Variants in BCL7B observed in about 807,000 individuals in gnomAD.
BCL7B encodes the protein B-cell CLL/lymphoma 7 protein family member B.
Under a neutral mutation model 26.5 loss-of-function variants are expected in BCL7B, and 11 were observed. That is an observed-to-expected ratio of 0.42 (90% CI 0.26 to 0.69). The LOEUF is 0.69. BCL7B is among the 30% of genes least tolerant of loss of function. The probability of loss-of-function intolerance (pLI) is 0.28; values close to 1 mark genes in which losing one functional copy is unlikely to be tolerated. For missense variants in BCL7B, 215 were observed against 264.4 expected (o/e 0.81, Z 1.30); for synonymous variants, 111 against 107.9 (o/e 1.03, Z -0.18).
chr7:73,544,818 G>A (rs1029388615), intron 2 of BCL7B, among the ~76,000 whole-genome samples: 1 of 152,152 alleles, frequency 6.6e-6, no homozygotes, highest in East Asian at 1.9e-4. Flanking sequence ...CAGCACTTGA[G>A]GAGGCGGAGG....
Position 73,537,282 on chromosome 7 carries a change from G to C in BCL7B, c.*16C>G. 3 of 1,613,416 alleles carry C rather than the reference G, an allele frequency of 1.9e-6. No homozygotes were observed. Among genetic ancestry groups the C allele is most frequent in the Non-Finnish European group, 2.5e-6 (3 of 1,179,522 alleles). ...TAAATAGAGGCAGGGCCAGGAGGCGGAGGGCCGGGATGGTGCTAGCTTTCT... is the reference window on the plus strand; with the variant it reads ...TAAATAGAGGCAGGGCCAGGAGGCGCAGGGCCGGGATGGTGCTAGCTTTCT... On this transcript the variant is annotated 3_prime_UTR_variant, in exon 6 of 6. Coordinates refer to ENST00000223368, the MANE Select transcript of BCL7B (RefSeq NM_001707.4).
At chr7:73,541,493 G>C (rs1554582875) in intron 3 of BCL7B, among the ~76,000 whole-genome samples, 2 of 147,362 alleles carry the variant, frequency 1.4e-5, no homozygotes, top group Middle Eastern at 3.5e-3. Flanking sequence ...TTGAGACCGA[G>C]TTTCGCTCTT....
At chr7:73,549,659 CA>C (rs1304308817) in intron 2 of BCL7B, among the ~76,000 whole-genome samples, 1 of 151,600 alleles carries the variant, frequency 6.6e-6, no homozygotes, top group African/African-American at 2.4e-5. Flanking sequence ...CCAAAACAAA[CA>C]AAAAAAAGAA....
Position 73,543,901 on chromosome 7 carries a change from G to C in BCL7B, c.169-257C>G, listed in dbSNP as rs552352817. 33 of 397,412 alleles carry C rather than the reference G, an allele frequency of 8.3e-5. 1 individual carries two copies. The highest frequency in any genetic ancestry group is 5.6e-4 in the South Asian group (22 of 39,220). 24.6% of individuals were successfully genotyped at this position (397,412 alleles called of 1,614,324 possible). On this transcript the variant is annotated intron_variant, in intron 2 of 5. Coordinates refer to ENST00000223368, the MANE Select transcript of BCL7B (RefSeq NM_001707.4). ...CAGGCAGATACATACACTTCGACTA[G>C]AACATCCCATAGTATCCCTCTCCTG...
In BCL7B at chr7:73,537,240, C is replaced by G. The variant is rs574800772; in HGVS notation, c.*58G>C. The G allele has an allele frequency of 6.4e-7, 1 of 1,567,798 alleles. No homozygotes were observed. The highest frequency in any genetic ancestry group is 1.3e-5 in the African/African-American group (1 of 74,164). On this transcript the variant is annotated 3_prime_UTR_variant, in exon 6 of 6. Transcript: ENST00000223368. ...CCCTTACCCCAGCAACGCGGCGCGG[C>G]CAGAACCAGAATGCAATAAATAGAG...
chr7:73,557,250 G>A lies in BCL7B; in HGVS notation c.92+237C>T, dbSNP rs1249596271. The A allele has an allele frequency of 5.4e-6, 6 of 1,107,304 alleles. No homozygotes were observed. The East Asian group carries it at 2.5e-4, about 46-fold the overall frequency. The allele number at this position is 1,107,304 out of a possible 1,614,324, so 68.6% of individuals were successfully genotyped here. A position where few individuals can be genotyped will look rare whatever the true frequency, so the allele number is the denominator to read the frequency against. On this transcript the variant is annotated intron_variant, in intron 1 of 5. Transcript: ENST00000223368. ...GGAAGCCGGAATCCCCTCCCAGGCG[G>A]CGCGCGGCAGCAGCCGCAGCAGGTG... is the stretch of plus-strand genomic sequence containing the variant.
chr7:73,541,916 T>C (rs1791784620), intron 3 of BCL7B, among the ~76,000 whole-genome samples: 1 of 152,220 alleles, frequency 6.6e-6, no homozygotes, highest in Non-Finnish European at 1.5e-5. Flanking sequence ...TCGTCATGCA[T>C]GGGTGCTTCT....
At chr7:73,542,531 T>C (rs1343755096) in intron 3 of BCL7B, among the ~76,000 whole-genome samples, 1 of 152,184 alleles carries the variant, frequency 6.6e-6, no homozygotes, top group Non-Finnish European at 1.5e-5. Flanking sequence ...GACAAAACAC[T>C]GTTCCTCCCT....
chr7:73,538,907 A>G (rs142132988), intron 4 of BCL7B, among the ~76,000 whole-genome samples: 49 of 152,138 alleles, frequency 3.2e-4, no homozygotes, highest in African/African-American at 1.1e-3. Context: ...TTAAAGTGAC[A>G]TTCATTCCAA....
intron 3 of BCL7B, 117 bp downstream of exon 3, chr7:73,543,431 G>C (rs1791844181): frequency 1.1e-6 from 1 of 920,438 alleles, no homozygotes; most frequent in African/African-American, 1.7e-5. Flanking sequence ...GCCCGCCTCA[G>C]ACTCCCAAAG....
At chr7:73,541,020 G>A (rs571953385) in intron 3 of BCL7B, among the ~76,000 whole-genome samples, 5 of 151,818 alleles carry the variant, frequency 3.3e-5, no homozygotes, top group East Asian at 3.9e-4. Context: ...GATAGCACGC[G>A]CCTGTAATCC....
intron 2 of BCL7B, among the ~76,000 whole-genome samples, chr7:73,549,760 G>T (rs1792088102): frequency 6.6e-6 from 1 of 152,228 alleles, no homozygotes; most frequent in Non-Finnish European, 1.5e-5. Flanking sequence ...AGCCTGGGAG[G>T]TCAAGGCTCC....
chr7:73,553,207 A>G (rs1447287103), intron 1 of BCL7B, among the ~76,000 whole-genome samples: 5 of 151,812 alleles, frequency 3.3e-5, no homozygotes, highest in African/African-American at 1.2e-4. Flanking sequence ...TGGCCTCCCA[A>G]AATGCTGGGA....
chr7:73,554,201 G>A (rs1371014377), intron 1 of BCL7B, among the ~76,000 whole-genome samples: 9 of 151,790 alleles, frequency 5.9e-5, no homozygotes, highest in East Asian at 2.0e-4. Context: ...GGGCTCAAGC[G>A]ATCCTCTTGC....
Position 73,557,502 on chromosome 7 carries a change from T to C in BCL7B, c.77A>G (p.Glu26Gly). 6.9e-7 allele frequency: 1 copy of C among 1,443,756 alleles called. No homozygotes were observed. The highest frequency in any genetic ancestry group is 9.2e-7 in the Non-Finnish European group (1 of 1,087,478). 89.4% of individuals were successfully genotyped at this position (1,443,756 alleles called of 1,614,324 possible). A position where few individuals can be genotyped will look rare whatever the true frequency, so the allele number is the denominator to read the frequency against. The change falls in exon 1 of 6, where the codon GAG (glutamate) becomes GGG (glycine). Residue 26 changes from glutamate to glycine, a missense_variant. Coordinates refer to ENST00000223368, the MANE Select transcript of BCL7B (RefSeq NM_001707.4). The stretch of plus-strand genomic sequence containing the variant: ...GGCCCCTCACCATTTCCGCACTTTC[T>C]CGATGGCCGCCATCACCTTCTTGAT... ...DDIKKVMAAI[E>G]KVRKWEKKWV...
intron 2 of BCL7B, among the ~76,000 whole-genome samples, chr7:73,544,589 T>G (rs1744964432): frequency 6.6e-6 from 1 of 151,878 alleles, no homozygotes; most frequent in African/African-American, 2.4e-5. Flanking sequence ...TTCTGCCACT[T>G]CATAACAGCC....
intron 2 of BCL7B, among the ~76,000 whole-genome samples, chr7:73,548,159 G>A (rs1294536684): frequency 6.6e-6 from 1 of 152,000 alleles, no homozygotes; most frequent in Non-Finnish European, 1.5e-5. Flanking sequence ...CCTGGGCGCA[G>A]TGGCTCACGC....
rs896185557 is a variant in BCL7B at position 73,539,788 on chromosome 7, G to C, written c.436+94C>G. 4 of 1,448,492 alleles carry C rather than the reference G, an allele frequency of 2.8e-6. No homozygotes were observed. The African/African-American group carries it at 4.2e-5, about 15-fold the overall frequency. The allele number at this position is 1,448,492 out of a possible 1,614,324, so 89.7% of individuals were successfully genotyped here. A position where few individuals can be genotyped will look rare whatever the true frequency, so the allele number is the denominator to read the frequency against. ...GCTTGGTGCTGCCTGGCTCTGAGGT[G>C]CTCTCTCGAGCCTGTTACTCTAAAG... On this transcript the variant is annotated intron_variant, in intron 4 of 5. Transcript: ENST00000223368.
In BCL7B at chr7:73,537,315, T is replaced by C. The variant is rs1554582252; in HGVS notation, c.592A>G (p.Thr198Ala). 2 of 1,614,042 alleles carry C rather than the reference T, an allele frequency of 1.2e-6. No individual in the cohort carries two copies. Among genetic ancestry groups the C allele is most frequent in the Admixed American group, 3.3e-5 (2 of 60,012 alleles). Residue 198 changes from threonine (T) to alanine (A), a missense_variant, in exon 6 of 6, where the codon ACG (threonine) becomes GCG (alanine). Coordinates refer to ENST00000223368, the MANE Select transcript of BCL7B (RefSeq NM_001707.4). ...GGATGGTGCTAGCTTTCTGACGCCG[T>C]CTGCGGCACTGTGGGTTGGTCCACA... The part of the protein sequence containing the change: ...FCVDQPTVPQ[T>A]ASES
Sources: gnomAD v4.1 joint callset for allele counts (sites outside exome capture counted in the v4.1 genomes callset) on GRCh38, gnomAD v4.1.1 for gene constraint, MANE v1.5 for transcripts, NCBI Gene and HGNC (gene_info 2026-07-23, HGNC 2026-07-21) for gene names.